Variants in CNST observed in about 807,000 individuals in gnomAD.
CNST encodes consortin, connexin sorting protein, also known as consortin.
In CNST, 39 loss-of-function variants were observed where a neutral mutation model predicts 72.4. The observed-to-expected ratio is 0.54, with a 90% CI of 0.42 to 0.70. The LOEUF (loss-of-function observed/expected upper bound fraction) is 0.70, where lower values mean the gene tolerates loss of function less well. Among genes scored for constraint, CNST ranks in the 30% least tolerant of loss-of-function variants. The pLI is 0.00. For synonymous variants in CNST, 332 were observed against 320.1 expected, an observed-to-expected ratio of 1.04 and a Z score of -0.40; for missense variants, 871 against 868.5, an observed-to-expected ratio of 1.00 and a Z score of -0.04.
chr1:246,617,453 C>A (rs974144937), intron 2 of CNST, among the ~76,000 whole-genome samples: 1 of 152,170 alleles, frequency 6.6e-6, no homozygotes, highest in African/African-American at 2.4e-5. Context: ...CTCTTGTGAC[C>A]TTTTTCAGTT....
chr1:246,604,210 C>T lies in CNST; in HGVS notation c.379+12269C>T, dbSNP rs1183786509. On this transcript the variant is annotated intron_variant, in intron 2 of 10. Transcript: ENST00000366513. ...CAGAGGCTGCAGTGAGCCGATATCGCGCCATTGCACTCCAGCCTGGGCGAA... is the reference window on the plus strand; with the variant it reads ...CAGAGGCTGCAGTGAGCCGATATCGTGCCATTGCACTCCAGCCTGGGCGAA... Among the ~76,000 whole-genome samples, 9 of 151,736 alleles carry T rather than the reference C, an allele frequency of 5.9e-5. No homozygotes were observed. In the East Asian group the frequency reaches 9.7e-4, roughly 16 times the overall value.
At chr1:246,612,996 A>G (rs1663434896) in intron 2 of CNST, among the ~76,000 whole-genome samples, 1 of 152,212 alleles carries the variant, frequency 6.6e-6, no homozygotes, top group Admixed American at 6.5e-5. Context: ...TATTTACTAT[A>G]TGCCAGCCAC....
chr1:246,616,751 T>C (rs569596962), intron 2 of CNST, among the ~76,000 whole-genome samples: 3 of 151,970 alleles, frequency 2.0e-5, no homozygotes, highest in African/African-American at 4.8e-5. Context: ...CACGGGGTTT[T>C]ACAATGTTGG....
At chr1:246,582,356 CTTT>C (rs35015648) in intron 1 of CNST, among the ~76,000 whole-genome samples, 3 of 144,564 alleles carry the variant, frequency 2.1e-5, no homozygotes, top group Non-Finnish European at 3.0e-5. Flanking sequence ...CACCTCCATG[CTTT>C]TTTTTTTTTT....
At chr1:246,582,623 C>G (rs938361316) in intron 1 of CNST, among the ~76,000 whole-genome samples, 1 of 152,206 alleles carries the variant, frequency 6.6e-6, no homozygotes, top group Non-Finnish European at 1.5e-5. Context: ...AAGCGCTGGT[C>G]TCAATTCCTG....
At chr1:246,624,565 A>G (rs1202136905) in intron 3 of CNST, among the ~76,000 whole-genome samples, 2 of 152,248 alleles carry the variant, frequency 1.3e-5, no homozygotes, top group Non-Finnish European at 2.9e-5. Flanking sequence ...TACTGATGCC[A>G]TTAGAAAGCT....
In CNST at chr1:246,665,847, A is replaced by C. The variant is rs768969075; in HGVS notation, c.2120A>C (p.Tyr707Ser). Residue 707 changes from tyrosine (Y) to serine (S), a missense_variant, in exon 11 of 11, where the codon TAT becomes TCT. Coordinates refer to ENST00000366513, the MANE Select transcript of CNST (RefSeq NM_152609.3). ...CTDFADNMDF[Y>S]YTKLLQGVAE... ...GACTTTGCAGACAACATGGACTTCT[A>C]TTACACTAAGTTACTTCAGGGAGTG... 1 of 1,613,930 alleles carries C rather than the reference A, an allele frequency of 6.2e-7. No homozygotes were observed. Among genetic ancestry groups the C allele is most frequent in the Non-Finnish European group, 8.5e-7 (1 of 1,179,982 alleles).
intron 3 of CNST, among the ~76,000 whole-genome samples, chr1:246,623,748 TGA>T (rs1489200156): frequency 1.5e-5 from 2 of 129,200 alleles, no homozygotes; most frequent in African/African-American, 5.8e-5. Context: ...GGTGACAGAG[TGA>T]GACTCTGTCT....
intron 1 of CNST, among the ~76,000 whole-genome samples, chr1:246,590,575 A>C (rs1359187694): frequency 3.9e-5 from 6 of 152,088 alleles, no homozygotes; most frequent in Admixed American, 3.9e-4. Flanking sequence ...TAGAGACTGT[A>C]CTTTACATGT....
In CNST at chr1:246,591,701, G is replaced by A. The variant is rs369555056; in HGVS notation, c.139G>A (p.Gly47Arg). ...DENENQLDGD[G>R]HEHLTSSDSA... ...AAATGAAAATCAGCTTGACGGGGACGGGCATGAGCATCTGACCAGCAGTGA... is the reference window on the plus strand; with the variant it reads ...AAATGAAAATCAGCTTGACGGGGACAGGCATGAGCATCTGACCAGCAGTGA... Residue 47 changes from glycine (G) to arginine (R), a missense_variant, in exon 2 of 11, where the codon GGG becomes AGG. By Grantham distance (125) the Gly-to-Arg change is moderately radical. Coordinates refer to ENST00000366513, the MANE Select transcript of CNST (RefSeq NM_152609.3). 8.7e-5 allele frequency: 141 copies of A among 1,614,006 alleles called. No individual in the cohort carries two copies. Among genetic ancestry groups the A allele is most frequent in the Non-Finnish European group, 1.1e-4 (132 of 1,180,042 alleles).
intron 8 of CNST, among the ~76,000 whole-genome samples, chr1:246,644,644 A>G (rs1457979223): frequency 6.6e-6 from 1 of 152,128 alleles, no homozygotes; most frequent in Non-Finnish European, 1.5e-5. Context: ...GCTCCCCTAG[A>G]TAACTGCAGC....
chr1:246,629,010 GT>G (rs971376141), intron 3 of CNST, among the ~76,000 whole-genome samples: 4 of 151,988 alleles, frequency 2.6e-5, no homozygotes, highest in Admixed American at 6.6e-5. Context: ...TAGTCTCTCT[GT>G]TTTTTTTATT....
At chr1:246,589,361 G>A (rs552897557) in intron 1 of CNST, among the ~76,000 whole-genome samples, 15 of 149,978 alleles carry the variant, frequency 1.0e-4, no homozygotes, top group Admixed American at 8.1e-4. Flanking sequence ...GAGAACATGC[G>A]GTGTTTGGTT....
chr1:246,616,386 T>C lies in CNST; in HGVS notation c.380-5043T>C, dbSNP rs576917199. Among the ~76,000 whole-genome samples, 8 of 151,884 alleles carry C rather than the reference T, an allele frequency of 5.3e-5. No homozygotes were observed. In the South Asian group the frequency reaches 1.7e-3, roughly 32 times the overall value. On this transcript the variant is annotated intron_variant, in intron 2 of 10. Coordinates refer to ENST00000366513, the MANE Select transcript of CNST (RefSeq NM_152609.3). The stretch of plus-strand genomic sequence containing the variant: ...CAACATAGCAAGACACCACCCCCAC[T>C]GCCCCCCCAGAAAATTTAAAAATCA...
intron 2 of CNST, among the ~76,000 whole-genome samples, chr1:246,597,654 A>G (rs765348038): frequency 1.3e-5 from 2 of 152,206 alleles, no homozygotes; most frequent in Non-Finnish European, 2.9e-5. Context: ...AGGCCTTCAC[A>G]GTGTGGCCAG....
intron 9 of CNST, among the ~76,000 whole-genome samples, chr1:246,652,334 G>A (rs1028519308): frequency 5.3e-5 from 8 of 152,154 alleles, no homozygotes; most frequent in Non-Finnish European, 7.3e-5. Flanking sequence ...GATGACCCAC[G>A]GGGGTGCGCA....
chr1:246,666,637 C>T lies in CNST; in HGVS notation c.*732C>T, dbSNP rs567087879. Reference sequence around the variant, plus strand: ...ACTGTGACAGATCTGTGTCAATTAACTTGATTAGCCAGAAATTAATCACAG... The same window carrying T: ...ACTGTGACAGATCTGTGTCAATTAATTTGATTAGCCAGAAATTAATCACAG... On this transcript the variant is annotated 3_prime_UTR_variant, in exon 11 of 11. Transcript: ENST00000366513. 2.0e-5 allele frequency: 3 copies of T among 152,324 alleles called. No individual in the cohort carries two copies. Among genetic ancestry groups the T allele is most frequent in the African/African-American group, 7.2e-5 (3 of 41,572 alleles). The allele number at this position is 152,324 out of a possible 1,614,324, so 9.4% of individuals were successfully genotyped here.
chr1:246,666,156 A>C lies in CNST; in HGVS notation c.*251A>C. 1 of 457,744 alleles carries C rather than the reference A, an allele frequency of 2.2e-6. No homozygotes were observed. The highest frequency in any genetic ancestry group is 4.0e-6 in the Non-Finnish European group (1 of 253,118). The allele number at this position is 457,744 out of a possible 1,614,324, so 28.4% of individuals were successfully genotyped here. On this transcript the variant is annotated 3_prime_UTR_variant, in exon 11 of 11. Coordinates refer to ENST00000366513, the MANE Select transcript of CNST (RefSeq NM_152609.3). ...GAGAGAGCATATCCATCTCCTCCTC[A>C]CTGCCTCCTAATGTCATGAGGTACA... is the stretch of plus-strand genomic sequence containing the variant.
intron 3 of CNST, 44 bp downstream of exon 3, chr1:246,621,678 CT>C: frequency 6.6e-7 from 1 of 1,504,904 alleles, no homozygotes. Flanking sequence ...GAAAATTCCC[CT>C]AGCAGTGTTT....
Sources: gnomAD v4.1 joint callset for allele counts (sites outside exome capture counted in the v4.1 genomes callset) on GRCh38, gnomAD v4.1.1 for gene constraint, MANE v1.5 for transcripts, NCBI Gene and HGNC (gene_info 2026-07-23, HGNC 2026-07-21) for gene names.